The following DLK2 variants were observed in gnomAD, a reference collection of about 807,000 sequenced individuals.
DLK2 encodes protein delta homolog 2.
A neutral mutation model predicts 31.3 loss-of-function variants in DLK2; 9 were observed. The observed-to-expected ratio is 0.29, with a 90% CI of 0.17 to 0.50. The LOEUF (loss-of-function observed/expected upper bound fraction) is 0.50, where lower values mean the gene tolerates loss of function less well. Ranked by LOEUF, DLK2 falls within the 20% of genes least tolerant of loss-of-function variation. The pLI is 0.98. For missense variants in DLK2, 387 were observed against 526.1 expected, an observed-to-expected ratio of 0.74 and a Z score of 2.59; for synonymous variants, 169 against 201.2, an observed-to-expected ratio of 0.84 and a Z score of 1.35.
Position 43,454,581 on chromosome 6 carries a change from C to T in DLK2, c.77-107G>A. On this transcript the variant is annotated intron_variant, in intron 2 of 5. Transcript: ENST00000372488. ...TTCCAGTAACTGAGCGGACTCAACC[C>T]TAGGGCAGGACATAACACAGAAACT... 3 of 1,353,872 alleles carry T rather than the reference C, an allele frequency of 2.2e-6. No homozygotes were observed. The South Asian group carries it at 4.0e-5, about 18-fold the overall frequency. 83.9% of individuals were successfully genotyped at this position (1,353,872 alleles called of 1,614,324 possible). A position where few individuals can be genotyped will look rare whatever the true frequency, so the allele number is the denominator to read the frequency against.
chr6:43,453,204 G>C lies in DLK2; in HGVS notation c.141-69C>G. ...TGAAGAAATGGAGGAGACAGAACCA[G>C]AGCTTCTAGAAACCAAGAGGACATA... On this transcript the variant is annotated intron_variant, in intron 3 of 5. Coordinates refer to ENST00000372488, the MANE Select transcript of DLK2 (RefSeq NM_023932.4). This position sits in a 1 kb window ranked among gnomAD's most constrained non-coding sequence, Gnocchi z 4.1. 5.3e-6 allele frequency: 8 copies of C among 1,514,424 alleles called. No individual in the cohort carries two copies. Among genetic ancestry groups the C allele is most frequent in the Non-Finnish European group, 7.1e-6 (8 of 1,129,238 alleles). The allele number at this position is 1,514,424 out of a possible 1,614,324, so 93.8% of individuals were successfully genotyped here.
intron 4 of DLK2, 34 bp from the exon 5 acceptor site, chr6:43,452,118 C>T (rs754315604): frequency 1.2e-6 from 2 of 1,612,842 alleles, no homozygotes; most frequent in South Asian, 1.1e-5. Flanking sequence ...CTGGGATAAC[C>T]CCTCCCATCT....
chr6:43,452,328 C>T (rs1427858974), intron 4 of DLK2, among the ~76,000 whole-genome samples: 1 of 152,238 alleles, frequency 6.6e-6, no homozygotes, highest in Non-Finnish European at 1.5e-5. Flanking sequence ...TGCCTGTAAT[C>T]CCAGCACTTT....
chr6:43,454,968 AGG>A, intron 1 of DLK2, 88 bp from the exon 2 acceptor site: 1 of 1,248,428 alleles, frequency 8.0e-7, no homozygotes, highest in South Asian at 1.4e-5. Flanking sequence ...GACGAGGGAG[AGG>A]GGCGCCGGGA....
At chr6:43,452,738 CTT>C (rs759583447) in intron 4 of DLK2, among the ~76,000 whole-genome samples, 9 of 152,062 alleles carry the variant, frequency 5.9e-5, no homozygotes, top group African/African-American at 1.4e-4. Context: ...AAAAACCTGA[CTT>C]TGAGCAGGTT....
chr6:43,452,316 C>T (rs1381299371), intron 4 of DLK2, among the ~76,000 whole-genome samples: 1 of 152,252 alleles, frequency 6.6e-6, no homozygotes, highest in African/African-American at 2.4e-5. Context: ...TACTGTGGCT[C>T]ATGCCTGTAA....
At chr6:43,455,242 C>G in intron 1 of DLK2, 153 bp downstream of exon 1, 1 of 236,156 alleles carries the variant, frequency 4.2e-6, no homozygotes, top group Non-Finnish European at 6.9e-6. Context: ...GGACGGTTCC[C>G]GGCAGCGAGC....
At chr6:43,454,292 A>C in intron 3 of DLK2, 119 bp downstream of exon 3, 1 of 903,626 alleles carries the variant, frequency 1.1e-6, no homozygotes, top group Non-Finnish European at 1.7e-6. Context: ...CTGGCCAGTC[A>C]GCCATAGGAG....
At chr6:43,454,638 G>C (rs1335625735) in intron 2 of DLK2, 112 bp downstream of exon 2, 43 of 1,419,452 alleles carry the variant, frequency 3.0e-5, no homozygotes, top group Non-Finnish European at 4.0e-5. Context: ...CCTCGGTCTT[G>C]CTTGCCCCGC....
In DLK2 at chr6:43,454,916, C is replaced by A. The variant is rs929694352; in HGVS notation, c.-55-36G>T. ...GCACCGGTTGGGAGGCGGCCGGACG[C>A]GGAGATAGCGGCACGGATACGGGTT... On this transcript the variant is annotated intron_variant, in intron 1 of 5. Transcript: ENST00000372488. 14 of 1,475,794 alleles carry A rather than the reference C, an allele frequency of 9.5e-6. No individual in the cohort carries two copies. The African/African-American group carries it at 1.6e-4, about 16-fold the overall frequency. 91.4% of individuals were successfully genotyped at this position (1,475,794 alleles called of 1,614,324 possible).
At chr6:43,452,412 C>G (rs1783802577) in intron 4 of DLK2, among the ~76,000 whole-genome samples, 1 of 152,168 alleles carries the variant, frequency 6.6e-6, no homozygotes, top group Admixed American at 6.5e-5. Context: ...AAAACCCCAT[C>G]TCTACTAAAA....
rs777197666 is a variant in DLK2, at chr6:43,451,079, A to C, written c.612T>G (p.Phe204Leu). The C allele has an allele frequency of 6.2e-7, 1 of 1,614,248 alleles. No homozygotes were observed. The highest frequency in any genetic ancestry group is 1.7e-5 in the Admixed American group (1 of 60,032). Residue 204 changes from phenylalanine (F) to leucine (L), a missense_variant, in exon 6 of 6, where the codon TTT becomes TTG. Physicochemically the swap from Phe to Leu is conservative, Grantham distance 22. Transcript: ENST00000372488. This position sits in a 1 kb window ranked among gnomAD's most constrained non-coding sequence, Gnocchi z 4.4. Reference sequence around the variant, plus strand: ...GGTTGATGGTGCAGAAGCGTCCAGCAAAGCCCTCAGGACAGAGGCAGGAGA... The same window carrying C: ...GGTTGATGGTGCAGAAGCGTCCAGCCAAGCCCTCAGGACAGAGGCAGGAGA... Reference protein sequence around the residue: ...NRFSCLCPEGFAGRFCTINLD... With the variant: ...NRFSCLCPEGLAGRFCTINLD...
intron 1 of DLK2, chr6:43,455,136 G>C: frequency 2.0e-6 from 2 of 976,238 alleles, no homozygotes; most frequent in Non-Finnish European, 2.4e-6. Flanking sequence ...GGAATGGCTG[G>C]GGTTGGGATC....
chr6:43,451,226 A>G lies in DLK2; in HGVS notation c.465T>C (p.Ala155=). 6.2e-7 allele frequency: 1 copy of G among 1,614,152 alleles called. No individual in the cohort carries two copies. Among genetic ancestry groups the G allele is most frequent in the South Asian group, 1.1e-5 (1 of 91,078 alleles). The part of the protein sequence containing the change: ...GGQCQDDQGF[A]LNFTCRCLVG... ...CCAAGCAGCGGCACGTGAAGTTGAG[A>G]GCAAAGCCCTGGTCGTCCTGGCACT... Residue 155 remains alanine, a synonymous_variant, in exon 6 of 6, where the codon GCT becomes GCC. Coordinates refer to ENST00000372488, the MANE Select transcript of DLK2 (RefSeq NM_023932.4). The surrounding 1 kb of genome is among the most constrained non-coding windows in gnomAD (Gnocchi z 4.4).
chr6:43,455,001 A>T, intron 1 of DLK2, 121 bp from the exon 2 acceptor site: 20 of 1,136,890 alleles, frequency 1.8e-5, no homozygotes, highest in Admixed American at 3.2e-5. Context: ...GGATGGGGGT[A>T]GCGGGAGGAT....
In DLK2 at chr6:43,451,235, C is replaced by G. The variant is rs1581810963; in HGVS notation, c.456G>C (p.Gln152His). 6.2e-7 allele frequency: 1 copy of G among 1,614,126 alleles called. No homozygotes were observed. Residue 152 changes from glutamine (Q) to histidine (H), a missense_variant, in exon 6 of 6, where the codon CAG becomes CAC. Coordinates refer to ENST00000372488, the MANE Select transcript of DLK2 (RefSeq NM_023932.4). This position sits in a 1 kb window ranked among gnomAD's most constrained non-coding sequence, Gnocchi z 4.4. ...GGCACGTGAAGTTGAGAGCAAAGCC[C>G]TGGTCGTCCTGGCACTGCCCGCCAT... ...CRNGGQCQDD[Q>H]GFALNFTCRC...
Position 43,451,264 on chromosome 6 carries a change from G to C in DLK2, c.427C>G (p.Arg143Gly), listed in dbSNP as rs1231184388. The change falls in exon 6 of 6, where the codon CGC (arginine) becomes GGC (glycine). Residue 143 changes from arginine (R) to glycine (G), a missense_variant. Coordinates refer to ENST00000372488, the MANE Select transcript of DLK2 (RefSeq NM_023932.4). This position sits in a 1 kb window ranked among gnomAD's most constrained non-coding sequence, Gnocchi z 4.4. Reference protein sequence around the residue: ...GPCEQAGSPCRNGGQCQDDQG... With the variant: ...GPCEQAGSPCGNGGQCQDDQG... ...TCGTCCTGGCACTGCCCGCCATTGC[G>C]GCATGGGGAGCTGTGGTAGGGGTGA... is the stretch of plus-strand genomic sequence containing the variant. 1 of 1,613,820 alleles carries C rather than the reference G, an allele frequency of 6.2e-7. No individual in the cohort carries two copies. Among genetic ancestry groups the C allele is most frequent in the Non-Finnish European group, 8.5e-7 (1 of 1,179,872 alleles).
chr6:43,451,249 A>G lies in DLK2; in HGVS notation c.442T>C (p.Cys148Arg). Reference sequence around the variant, plus strand: ...AGAGCAAAGCCCTGGTCGTCCTGGCACTGCCCGCCATTGCGGCATGGGGAG... The same window carrying G: ...AGAGCAAAGCCCTGGTCGTCCTGGCGCTGCCCGCCATTGCGGCATGGGGAG... ...AGSPCRNGGQ[C>R]QDDQGFALNF... Residue 148 changes from cysteine to arginine, a missense_variant, in exon 6 of 6, where the codon TGC (cysteine) becomes CGC (arginine). By Grantham distance (180) the Cys-to-Arg change is radical. Transcript: ENST00000372488. The surrounding 1 kb of genome is among the most constrained non-coding windows in gnomAD (Gnocchi z 4.4). The G allele has an allele frequency of 6.2e-7, 1 of 1,614,032 alleles. No homozygotes were observed. Among genetic ancestry groups the G allele is most frequent in the Middle Eastern group, 1.6e-4 (1 of 6,062 alleles).
At chr6:43,455,790 G>A (rs1249593257), upstream of DLK2, among the ~76,000 whole-genome samples, 1 of 151,978 alleles carries the variant, frequency 6.6e-6, no homozygotes, top group Non-Finnish European at 1.5e-5. Flanking sequence ...TTAAGCCAAA[G>A]GAGCGCAACC....
Sources: gnomAD v4.1 joint callset for allele counts (sites outside exome capture counted in the v4.1 genomes callset) on GRCh38, gnomAD v4.1.1 for gene constraint, Gnocchi (gnomAD v3.1) non-coding constraint, MANE v1.5 for transcripts, NCBI Gene and HGNC (gene_info 2026-07-23, HGNC 2026-07-21) for gene names.